ACOT12: variants seen among roughly 807,000 people sequenced by gnomAD.
ACOT12 encodes the protein acyl-CoA thioesterase 12, also known as acetyl-coenzyme A thioesterase.
A neutral mutation model predicts 67.7 loss-of-function variants in ACOT12; 51 were observed. That is an observed-to-expected ratio of 0.75 (90% CI 0.60 to 0.95). ACOT12 has a LOEUF of 0.95. Ranked by LOEUF, ACOT12 falls within the 40% of genes least tolerant of loss-of-function variation. The pLI is 0.00. For missense variants in ACOT12, 734 were observed against 708.1 expected (o/e 1.04, Z -0.41); for synonymous variants, 251 against 244.6 (o/e 1.03, Z -0.24).
chr5:81,353,168 T>C (rs750973926), intron 5 of ACOT12, among the ~76,000 whole-genome samples: 2 of 152,136 alleles, frequency 1.3e-5, no homozygotes, highest in Non-Finnish European at 2.9e-5. Flanking sequence ...CTGGAACCTG[T>C]AGAGGGAGGT....
At chr5:81,341,081 T>C (rs1172585039) in intron 11 of ACOT12, among the ~76,000 whole-genome samples, 1 of 152,212 alleles carries the variant, frequency 6.6e-6, no homozygotes, top group Non-Finnish European at 1.5e-5. Context: ...CAGACATGAA[T>C]TTGTTCTTTC....
At chr5:81,369,064 G>T (rs1393442463) in intron 3 of ACOT12, among the ~76,000 whole-genome samples, 7 of 151,736 alleles carry the variant, frequency 4.6e-5, no homozygotes, top group Non-Finnish European at 8.8e-5. Flanking sequence ...CTTTGTCAAA[G>T]CTCAGCAAAA....
At chr5:81,343,965 T>C (rs539652715) in intron 9 of ACOT12, 84 bp from the exon 10 acceptor site, 3 of 1,355,890 alleles carry the variant, frequency 2.2e-6, no homozygotes, top group East Asian at 2.3e-5. Flanking sequence ...TTTCTTGAAC[T>C]TCTATCAGCC....
the ACOT12 span, among the ~76,000 whole-genome samples, chr5:81,321,542 T>TA: frequency 1.3e-5 from 2 of 152,066 alleles, no homozygotes; most frequent in African/African-American, 4.8e-5. Flanking sequence ...GGAGATTGTT[T>TA]AAAAAAACAA....
intron 11 of ACOT12, among the ~76,000 whole-genome samples, chr5:81,337,966 C>T (rs781745857): frequency 3.3e-5 from 5 of 152,200 alleles, no homozygotes; most frequent in Non-Finnish European, 5.9e-5. Context: ...TTGACTTATC[C>T]AATGTCAGGT....
chr5:81,329,261 T>C (rs945026978), downstream of ACOT12, among the ~76,000 whole-genome samples: 1 of 152,216 alleles, frequency 6.6e-6, no homozygotes, highest in African/African-American at 2.4e-5. Context: ...ACTCCTTCAT[T>C]ACTAATTTTG....
chr5:81,386,876 G>A (rs1183852797), intron 1 of ACOT12, among the ~76,000 whole-genome samples: 2 of 151,934 alleles, frequency 1.3e-5, no homozygotes, highest in African/African-American at 4.8e-5. Flanking sequence ...AAATGTTCAA[G>A]GAAGGGAAAA....
chr5:81,373,376 C>T (rs1760313163), intron 2 of ACOT12, among the ~76,000 whole-genome samples: 1 of 152,202 alleles, frequency 6.6e-6, no homozygotes, highest in Admixed American at 6.5e-5. Context: ...AACCCGCAGA[C>T]CAGGAGATTC....
Position 81,393,914 on chromosome 5 carries a change from C to CA in ACOT12, c.127+73_127+74insT, listed in dbSNP as rs935516941. The CA allele has an allele frequency of 1.5e-4, 191 of 1,267,084 alleles. 1 individual carries two copies. The African/African-American group carries it at 2.7e-3, about 18-fold the overall frequency. The allele number at this position is 1,267,084 out of a possible 1,614,324, so 78.5% of individuals were successfully genotyped here. ...CAAGTACCTTCCTCGCCTTCCTACCCCCCCCAGCCCCCAGCCGCCGCCGCT... is the reference window on the plus strand; with the variant it reads ...CAAGTACCTTCCTCGCCTTCCTACCCACCCCCAGCCCCCAGCCGCCGCCGCT... On this transcript the variant is annotated intron_variant, in intron 1 of 14. Coordinates refer to ENST00000307624, the MANE Select transcript of ACOT12 (RefSeq NM_130767.3).
At chr5:81,391,657 T>C (rs768908349) in intron 1 of ACOT12, among the ~76,000 whole-genome samples, 1 of 152,208 alleles carries the variant, frequency 6.6e-6, no homozygotes, top group Non-Finnish European at 1.5e-5. Flanking sequence ...AAGATTACTT[T>C]AGAAGCAGTG....
At chr5:81,364,648 C>T (rs915281133) in intron 3 of ACOT12, among the ~76,000 whole-genome samples, 3 of 152,084 alleles carry the variant, frequency 2.0e-5, no homozygotes, top group Non-Finnish European at 2.9e-5. Flanking sequence ...AGGATGGTCT[C>T]GATCTCATGA....
At chr5:81,371,447 C>G (rs964650192) in intron 3 of ACOT12, among the ~76,000 whole-genome samples, 3 of 151,728 alleles carry the variant, frequency 2.0e-5, no homozygotes, top group African/African-American at 7.3e-5. Context: ...AAGATTGGGT[C>G]TTGCTATCTT....
chr5:81,364,400 T>C (rs1760011854), intron 3 of ACOT12, among the ~76,000 whole-genome samples: 2 of 152,062 alleles, frequency 1.3e-5, no homozygotes. Flanking sequence ...TATAAAATTA[T>C]TGTAATGTAT....
At chr5:81,349,853 G>A (rs572328127) in intron 5 of ACOT12, among the ~76,000 whole-genome samples, 12 of 152,260 alleles carry the variant, frequency 7.9e-5, no homozygotes, top group African/African-American at 2.6e-4. Context: ...TAATAAAATA[G>A]TTGTACTGAC....
At chr5:81,309,557 T>C in the ACOT12 span, among the ~76,000 whole-genome samples, 1 of 152,230 alleles carries the variant, frequency 6.6e-6, no homozygotes, top group African/African-American at 2.4e-5. Context: ...GGTCTAAAGC[T>C]TTAAGGCGGA....
intron 3 of ACOT12, among the ~76,000 whole-genome samples, chr5:81,367,155 C>T (rs566197109): frequency 3.3e-5 from 5 of 151,946 alleles, no homozygotes; most frequent in East Asian, 1.9e-4. Context: ...CATTTTTACA[C>T]GAACAAAAGC....
At chr5:81,392,845 T>C (rs1760899941) in intron 1 of ACOT12, among the ~76,000 whole-genome samples, 1 of 152,184 alleles carries the variant, frequency 6.6e-6, no homozygotes, top group Non-Finnish European at 1.5e-5. Context: ...TAGGTCCTAG[T>C]GAGGGCTCTC....
At chr5:81,338,963 C>T (rs1354732294) in intron 11 of ACOT12, among the ~76,000 whole-genome samples, 5 of 152,124 alleles carry the variant, frequency 3.3e-5, no homozygotes, top group Non-Finnish European at 1.5e-5. Context: ...TGCCTGTAGT[C>T]CCAGCTACTT....
chr5:81,314,325 G>A, the ACOT12 span, among the ~76,000 whole-genome samples: 4 of 152,080 alleles, frequency 2.6e-5, no homozygotes, highest in African/African-American at 4.8e-5. Flanking sequence ...GGCTGGTCTC[G>A]AAATCTTGAC....
Sources: allele counts gnomAD v4.1 joint callset (sites outside exome capture counted in the v4.1 genomes callset), GRCh38; gene constraint gnomAD v4.1.1; transcripts MANE v1.5; gene names NCBI Gene and HGNC (gene_info 2026-07-23, HGNC 2026-07-21).